SPAG8: variants seen among roughly 807,000 people sequenced by gnomAD.
SPAG8 encodes sperm associated antigen 8.
SPAG8 carries 36 observed loss-of-function variants against 45.3 expected under a neutral mutation model. That is an observed-to-expected ratio of 0.80 (90% CI 0.61 to 1.05). The LOEUF (loss-of-function observed/expected upper bound fraction) is 1.05. SPAG8 is among the 50% of genes least tolerant of loss of function. The pLI is 0.00. For synonymous variants in SPAG8, 227 were observed against 232.6 expected (o/e 0.98, Z 0.22); for missense variants, 573 against 609.2 (o/e 0.94, Z 0.63).
chr9:35,809,152 C>G (rs1828605434), downstream of SPAG8: 4 of 1,613,060 alleles, frequency 2.5e-6, no homozygotes, highest in African/African-American at 1.3e-5. The surrounding 1 kb of genome is among the most constrained non-coding windows in gnomAD (Gnocchi z 4.1). Context: ...TCCACCCACC[C>G]CAGCGCTGAA....
At position 35,812,254 on chromosome 9, in the gene SPAG8, C is replaced by T. The variant is rs928476789; in HGVS notation, c.-107G>A. 7.7e-7 allele frequency: 1 copy of T among 1,300,896 alleles called. No homozygotes were observed. The highest frequency in any genetic ancestry group is 1.1e-6 in the Non-Finnish European group (1 of 933,658). 80.6% of individuals were successfully genotyped at this position (1,300,896 alleles called of 1,614,324 possible). On this transcript the variant is annotated 5_prime_UTR_variant, in exon 1 of 7. Transcript: ENST00000396638. ...GCAGGTGGCGGTGGAGGCAAGTCCT[C>T]TGCGGGGCGGAAGTCTTCAGCCTAG...
In SPAG8 at chr9:35,811,315, G is replaced by A. The variant is rs1462711870; in HGVS notation, c.731C>T (p.Pro244Leu). 2 of 1,614,206 alleles carry A rather than the reference G, an allele frequency of 1.2e-6. No individual in the cohort carries two copies. Among genetic ancestry groups the A allele is most frequent in the East Asian group, 2.2e-5 (1 of 44,882 alleles). ...HCPWEPQKQP[P>L]WEFLQVLEPG... is the part of the protein sequence containing the mutation. ...TTCTAAGACTTGCAAAAATTCCCAAGGTGGTTGTTTCTGGGGCTCCCAGGG... is the reference window on the plus strand; with the variant it reads ...TTCTAAGACTTGCAAAAATTCCCAAAGTGGTTGTTTCTGGGGCTCCCAGGG... The change falls in exon 2 of 7, where the codon CCT (proline) becomes CTT (leucine). Residue 244 changes from proline to leucine, a missense_variant. Coordinates refer to ENST00000396638, the MANE Select transcript of SPAG8 (RefSeq NM_001039592.2).
At chr9:35,808,822 C>T (rs1365183863), downstream of SPAG8, 1 of 1,611,226 alleles carries the variant, frequency 6.2e-7, no homozygotes, top group African/African-American at 1.3e-5. This position sits in a 1 kb window ranked among gnomAD's most constrained non-coding sequence, Gnocchi z 4.0. Context: ...ACACAGTGAA[C>T]ACTGCTTCTC....
downstream of SPAG8, chr9:35,809,031 A>AGATATGC: frequency 9.5e-7 from 1 of 1,048,364 alleles, no homozygotes. The surrounding 1 kb of genome is among the most constrained non-coding windows in gnomAD (Gnocchi z 4.1). Context: ...TGGTCCTAAT[A>AGATATGC]GATATGCATT....
At chr9:35,809,100 G>T (rs1588074350), downstream of SPAG8, 1 of 1,486,884 alleles carries the variant, frequency 6.7e-7, no homozygotes, top group South Asian at 1.1e-5. This position sits in a 1 kb window ranked among gnomAD's most constrained non-coding sequence, Gnocchi z 4.1. Context: ...CCAATTATTT[G>T]ATTGCCTTTT....
downstream of SPAG8, chr9:35,809,555 C>T (rs1452650045): frequency 2.5e-6 from 4 of 1,579,982 alleles, no homozygotes; most frequent in Non-Finnish European, 3.5e-6. This position sits in a 1 kb window ranked among gnomAD's most constrained non-coding sequence, Gnocchi z 4.1. Context: ...CAATGGAAAA[C>T]AGCCACAAAA....
In SPAG8 at chr9:35,811,885, G is replaced by A; in HGVS notation, c.161C>T (p.Ala54Val). Residue 54 changes from alanine to valine, a missense_variant, in exon 2 of 7, where the codon GCT (alanine) becomes GTT (valine). By Grantham distance (64) the Ala-to-Val change is moderately conservative. Transcript: ENST00000396638. ...TGCAGTAGCTGCAGCAGCTGATGCA[G>A]CCGCTGCAGCTGCTGCGGTTGCAGC... is the stretch of plus-strand genomic sequence containing the variant. The part of the protein sequence containing the change: ...LAAATAAAAA[A>V]ASAAAATAAF... 6.2e-7 allele frequency: 1 copy of A among 1,609,780 alleles called. No individual in the cohort carries two copies. The highest frequency in any genetic ancestry group is 8.5e-7 in the Non-Finnish European group (1 of 1,177,008).
rs1828806445 is a variant in SPAG8 at position 35,811,639 on chromosome 9, C to A, written c.407G>T (p.Gly136Val). 6.2e-7 allele frequency: 1 copy of A among 1,614,160 alleles called. No individual in the cohort carries two copies. The highest frequency in any genetic ancestry group is 8.5e-7 in the Non-Finnish European group (1 of 1,180,040). ...CTTTDHSSNP[G>V]PVPGSSSGPV... ...CCCAGAGCTAGAGCCTGGAACAGGG[C>A]CAGGATTAGAACTATGGTCAGTTGT... The change falls in exon 2 of 7, where the codon GGC becomes GTC. Residue 136 changes from glycine (G) to valine (V), a missense_variant. Transcript: ENST00000396638.
Position 35,809,846 on chromosome 9 carries a change from T to C in SPAG8, c.*92A>G. 4 of 1,534,042 alleles carry C rather than the reference T, an allele frequency of 2.6e-6. No homozygotes were observed. The highest frequency in any genetic ancestry group is 3.5e-6 in the Non-Finnish European group (4 of 1,148,316). ...GAGAGAACCCTTTATGTAAAGCCTC[T>C]TCAAGTACAGTGAGAATTAACTTCC... On this transcript the variant is annotated 3_prime_UTR_variant, in exon 7 of 7. Coordinates refer to ENST00000396638, the MANE Select transcript of SPAG8 (RefSeq NM_001039592.2). This position sits in a 1 kb window ranked among gnomAD's most constrained non-coding sequence, Gnocchi z 4.1.
At chr9:35,808,067 A>T (rs1405139829), downstream of SPAG8, 5 of 802,202 alleles carry the variant, frequency 6.2e-6, no homozygotes, top group Non-Finnish European at 1.1e-5. The surrounding 1 kb of genome is among the most constrained non-coding windows in gnomAD (Gnocchi z 4.0). Flanking sequence ...AATGGCATTT[A>T]TTCTCTTACA....
In SPAG8 at chr9:35,811,893, A is replaced by G. The variant is rs1330592900; in HGVS notation, c.153T>C (p.Ala51=). 3.7e-6 allele frequency: 6 copies of G among 1,610,130 alleles called. No individual in the cohort carries two copies. In the African/African-American group the frequency reaches 5.3e-5, roughly 14 times the overall value. ...RSALAAATAA[A]AAAASAAAAT... is the part of the protein sequence containing the mutation. ...CTGCAGCAGCTGATGCAGCCGCTGC[A>G]GCTGCTGCGGTTGCAGCTGCCAGGG... The change falls in exon 2 of 7, where the codon GCT becomes GCC. Residue 51 remains alanine (A), a synonymous_variant. Coordinates refer to ENST00000396638, the MANE Select transcript of SPAG8 (RefSeq NM_001039592.2).
Position 35,810,533 on chromosome 9 carries a change from T to A in SPAG8, c.1106A>T (p.Gln369Leu), listed in dbSNP as rs370023866. ...HQICKEVQAE[Q>L]EPTRKLFEVE... ...CTCGAAGAGCTTCCTTGTGGGTTCC[T>A]GTTCTGCCTGCACCTCTTTACTATG... The change falls in exon 5 of 7, where the codon CAG becomes CTG. Residue 369 changes from glutamine to leucine, a missense_variant. Transcript: ENST00000396638. 2 of 1,614,110 alleles carry A rather than the reference T, an allele frequency of 1.2e-6. No individual in the cohort carries two copies. The highest frequency in any genetic ancestry group is 1.7e-6 in the Non-Finnish European group (2 of 1,180,048).
At chr9:35,808,269 A>G, downstream of SPAG8, 1 of 1,614,090 alleles carries the variant, frequency 6.2e-7, no homozygotes, top group Non-Finnish European at 8.5e-7. This position sits in a 1 kb window ranked among gnomAD's most constrained non-coding sequence, Gnocchi z 4.0. Context: ...CAGGGTGTTC[A>G]TTCATTCCGC....
rs758162629 is a variant in SPAG8, at chr9:35,810,885, C to T, written c.1037G>A (p.Arg346Gln). 23 of 1,612,066 alleles carry T rather than the reference C, an allele frequency of 1.4e-5. No individual in the cohort carries two copies. Among genetic ancestry groups the T allele is most frequent in the African/African-American group, 5.3e-5 (4 of 74,788 alleles). ...GCCTACCCTCTCACATTTCACACCT[C>T]GAAGTGGCCAATAGACGTTTCCTGG... ...QPPGNVYWPL[R>Q]GKREAMLEML... is the part of the protein sequence containing the mutation. The change falls in exon 3 of 7, where the codon CGA (arginine) becomes CAA (glutamine). Residue 346 changes from arginine (R) to glutamine (Q), a missense_variant and splice_region_variant. Coordinates refer to ENST00000396638, the MANE Select transcript of SPAG8 (RefSeq NM_001039592.2).
downstream of SPAG8, chr9:35,809,300 AT>A: frequency 6.2e-7 from 1 of 1,610,080 alleles, no homozygotes; most frequent in Non-Finnish European, 8.5e-7. The surrounding 1 kb of genome is among the most constrained non-coding windows in gnomAD (Gnocchi z 4.1). Flanking sequence ...GAAAGTGATT[AT>A]GGGAATCATA....
Position 35,810,764 on chromosome 9 carries a change from A to G in SPAG8, c.1040-82T>C, listed in dbSNP as rs1025631778. The G allele has an allele frequency of 3.7e-6, 6 of 1,605,368 alleles. No homozygotes were observed. The African/African-American group carries it at 8.0e-5, about 21-fold the overall frequency. On this transcript the variant is annotated intron_variant, in intron 3 of 6. Transcript: ENST00000396638. The stretch of plus-strand genomic sequence containing the variant: ...AGAAACTAACTTGAGAAAAGGAAGA[A>G]GAACCTTGGGGTTCCGCCCTTATAT...
In SPAG8 at chr9:35,811,998, A is replaced by G. The variant is rs760099134; in HGVS notation, c.48T>C (p.Ser16=). 8.1e-6 allele frequency: 13 copies of G among 1,603,202 alleles called. No homozygotes were observed. The highest frequency in any genetic ancestry group is 1.1e-5 in the Non-Finnish European group (13 of 1,174,420). ...CTTCGGAGCTGGGCTGTATGTCTAAAGATCTGAAAGAAAGCAAACACGACA... is the reference window on the plus strand; with the variant it reads ...CTTCGGAGCTGGGCTGTATGTCTAAGGATCTGAAAGAAAGCAAACACGACA... The part of the protein sequence containing the change: ...STEGSRSRSR[S]LDIQPSSEGL... Residue 16 remains serine (S), a synonymous_variant, in exon 2 of 7, where the codon TCT becomes TCC. Coordinates refer to ENST00000396638, the MANE Select transcript of SPAG8 (RefSeq NM_001039592.2).
chr9:35,810,618 C>A lies in SPAG8; in HGVS notation c.1085+19G>T, dbSNP rs750926426. ...TTTTTCTCCTCCCCATCCCTCTTCC[C>A]CTTTACCCAATCCCTTACCAGATCT... On this transcript the variant is annotated intron_variant, in intron 4 of 6. Coordinates refer to ENST00000396638, the MANE Select transcript of SPAG8 (RefSeq NM_001039592.2). 1.2e-6 allele frequency: 2 copies of A among 1,614,140 alleles called. No homozygotes were observed. The highest frequency in any genetic ancestry group is 3.3e-5 in the Admixed American group (2 of 60,022).
At position 35,811,437 on chromosome 9, in the gene SPAG8, AGTGTCT is replaced by A. The variant is rs1285210398; in HGVS notation, c.603_608del (p.Asp202_Thr203del). 1 of 1,614,044 alleles carries A rather than the reference AGTGTCT, an allele frequency of 6.2e-7. No individual in the cohort carries two copies. Among genetic ancestry groups the A allele is most frequent in the African/African-American group, 1.3e-5 (1 of 74,940 alleles). ...AGGGGCTGAGCTCAGAGTCAGGGCC[AGTGTCT>A]GGACCAGGCCCAGAGGCAGGACCAG... On this transcript the variant is annotated inframe_deletion, in exon 2 of 7. Coordinates refer to ENST00000396638, the MANE Select transcript of SPAG8 (RefSeq NM_001039592.2).
Sources: gnomAD v4.1 joint callset for allele counts on GRCh38, gnomAD v4.1.1 for gene constraint, Gnocchi (gnomAD v3.1) non-coding constraint, MANE v1.5 for transcripts, NCBI Gene and HGNC (gene_info 2026-07-23, HGNC 2026-07-21) for gene names.